PCDH15: variants seen among roughly 807,000 people sequenced by gnomAD.
PCDH15 encodes the protein protocadherin related 15.
A neutral mutation model predicts 178.5 loss-of-function variants in PCDH15; 129 were observed. The observed-to-expected ratio is 0.72, with a 90% confidence interval of 0.63 to 0.84. The LOEUF (loss-of-function observed/expected upper bound fraction) is 0.84, where lower values mean the gene tolerates loss of function less well. Among genes scored for constraint, PCDH15 ranks in the 40% least tolerant of loss-of-function variants. The pLI is 0.00. For missense variants in PCDH15, 2,230 were observed against 2,099.9 expected (o/e 1.06, Z -1.21); for synonymous variants, 800 against 732.0 (o/e 1.09, Z -1.50).
At chr10:54,870,765 G>A (rs1954023088) in intron 3 of PCDH15, among the ~76,000 whole-genome samples, 2 of 151,148 alleles carry the variant, frequency 1.3e-5, no homozygotes, top group South Asian at 4.2e-4. Context: ...TAGCCTGGGC[G>A]ACAGAGAGAG....
In PCDH15 at chr10:54,326,342, T is replaced by C. The variant is rs189557875; in HGVS notation, c.705+3254A>G. 3.0e-4 allele frequency among the ~76,000 whole-genome samples: 45 copies of C among 152,218 alleles called. 1 individual carries two copies. The highest frequency in any genetic ancestry group is 3.4e-3 in the Middle Eastern group (1 of 294). Reference sequence around the variant, plus strand: ...AATAATATAGCATTATCTACTAAGATTAAAAAGTATGTGAATATATATGTA... The same window carrying C: ...AATAATATAGCATTATCTACTAAGACTAAAAAGTATGTGAATATATATGTA... On this transcript the variant is annotated intron_variant, in intron 7 of 37. Transcript: ENST00000644397.
chr10:55,607,105 C>G (rs1175357776), intron 2 of PCDH15, among the ~76,000 whole-genome samples: 1 of 152,154 alleles, frequency 6.6e-6, no homozygotes, highest in Non-Finnish European at 1.5e-5. Flanking sequence ...ACATACATTT[C>G]TCAAAAGAAG....
At chr10:54,052,161 C>A (rs768538981) in intron 18 of PCDH15, among the ~76,000 whole-genome samples, 8 of 152,176 alleles carry the variant, frequency 5.3e-5, no homozygotes, top group South Asian at 2.1e-4. Flanking sequence ...GTGGTCAGAG[C>A]CCCCACACAG....
At chr10:55,210,684 A>G (rs1244620475) in intron 1 of PCDH15, among the ~76,000 whole-genome samples, 2 of 112,352 alleles carry the variant, frequency 1.8e-5, no homozygotes, top group Non-Finnish European at 3.3e-5. Context: ...GCTGGAGTGT[A>G]GTGGCGCGAT....
At chr10:53,974,189 A>G (rs780973852) in intron 21 of PCDH15, among the ~76,000 whole-genome samples, 8 of 152,102 alleles carry the variant, frequency 5.3e-5, no homozygotes, top group Non-Finnish European at 1.0e-4. Flanking sequence ...TAATTTTTGC[A>G]TTTTTAGAAG....
chr10:53,866,894 G>C, intron 26 of PCDH15, 37 bp from the exon 27 acceptor site: 1 of 1,431,532 alleles, frequency 7.0e-7, no homozygotes, highest in Non-Finnish European at 9.8e-7. Flanking sequence ...TTATAATTAA[G>C]CAGGAAAAGA....
At chr10:54,828,915 T>C (rs1245041072) in intron 3 of PCDH15, among the ~76,000 whole-genome samples, 1 of 152,000 alleles carries the variant, frequency 6.6e-6, no homozygotes, top group Non-Finnish European at 1.5e-5. Flanking sequence ...GACCTGAATG[T>C]ACTACACATT....
intron 5 of PCDH15, among the ~76,000 whole-genome samples, chr10:54,363,451 T>C (rs556896977): frequency 6.6e-6 from 1 of 152,300 alleles, no homozygotes; most frequent in East Asian, 1.9e-4. Context: ...CAGAACAAAT[T>C]AAATGAAATG....
Position 54,980,749 on chromosome 10 carries a change from A to AT in PCDH15, c.-79-83250dup, listed in dbSNP as rs199953186. Among the ~76,000 whole-genome samples the AT allele has an allele frequency of 5.2e-3, 785 of 151,924 alleles. 4 individuals carry two copies. The highest frequency in any genetic ancestry group is 0.018 in the African/African-American group (748 of 41,462). On this transcript the variant is annotated intron_variant, in intron 2 of 5. Transcript: ENST00000458638. ...TCAAATTCATTCATAATTTAAATTG[A>AT]TTTTTTTCAAATTTAGGTGTATTTT... is the stretch of plus-strand genomic sequence containing the variant.
intron 15 of PCDH15, among the ~76,000 whole-genome samples, chr10:54,098,741 C>T (rs766630462): frequency 6.6e-6 from 1 of 152,082 alleles, no homozygotes; most frequent in African/African-American, 2.4e-5. Flanking sequence ...GAATCCTAGC[C>T]CTCTTTTACT....
At chr10:55,402,446 A>G (rs1437181061) in intron 2 of PCDH15, among the ~76,000 whole-genome samples, 4 of 151,958 alleles carry the variant, frequency 2.6e-5, no homozygotes, top group African/African-American at 7.2e-5. Flanking sequence ...ATATTGTGCA[A>G]TGGAACACTA....
At chr10:53,923,961 A>G (rs1179797533) in intron 25 of PCDH15, among the ~76,000 whole-genome samples, 1 of 151,944 alleles carries the variant, frequency 6.6e-6, no homozygotes, top group Non-Finnish European at 1.5e-5. Flanking sequence ...TCAAGGGACA[A>G]TAATTTTTTT....
intron 1 of PCDH15, among the ~76,000 whole-genome samples, chr10:54,788,926 T>C (rs1216397282): frequency 6.6e-6 from 1 of 151,866 alleles, no homozygotes; most frequent in East Asian, 1.9e-4. Context: ...TAATTCTTTA[T>C]AGAATCAAGG....
At chr10:55,134,584 TA>T (rs1838139744) in intron 2 of PCDH15, among the ~76,000 whole-genome samples, 1 of 152,196 alleles carries the variant, frequency 6.6e-6, no homozygotes, top group Admixed American at 6.6e-5. Flanking sequence ...TAATTAGGAT[TA>T]GTAGAATTTT....
At chr10:55,326,376 T>C (rs1190699814) in intron 2 of PCDH15, among the ~76,000 whole-genome samples, 1 of 152,116 alleles carries the variant, frequency 6.6e-6, no homozygotes, top group Non-Finnish European at 1.5e-5. Context: ...ATGTAGTACA[T>C]GCATAGCATG....
At chr10:54,210,821 T>C (rs574228586) in intron 10 of PCDH15, among the ~76,000 whole-genome samples, 2 of 151,268 alleles carry the variant, frequency 1.3e-5, no homozygotes, top group East Asian at 1.9e-4. Flanking sequence ...ATAGAATAAG[T>C]AGGTCAGTGA....
intron 2 of PCDH15, among the ~76,000 whole-genome samples, chr10:54,999,272 A>G (rs1295010045): frequency 1.3e-5 from 2 of 149,842 alleles, no homozygotes; most frequent in African/African-American, 4.9e-5. Flanking sequence ...GAGAGCTTCA[A>G]GAGCTTTGAG....
chr10:55,284,788 A>C (rs1413202848), intron 1 of PCDH15, among the ~76,000 whole-genome samples: 1 of 151,984 alleles, frequency 6.6e-6, no homozygotes, highest in Non-Finnish European at 1.5e-5. Context: ...ACATATATTT[A>C]TCATGGGGGA....
intron 2 of PCDH15, among the ~76,000 whole-genome samples, chr10:54,639,160 T>C (rs973541663): frequency 6.6e-6 from 1 of 152,142 alleles, no homozygotes; most frequent in Admixed American, 6.6e-5. Flanking sequence ...TCTTATAGAA[T>C]TGAAATTCCA....
Sources: allele counts gnomAD v4.1 joint callset (sites outside exome capture counted in the v4.1 genomes callset), GRCh38; gene constraint gnomAD v4.1.1; transcripts MANE v1.5; gene names NCBI Gene and HGNC (gene_info 2026-07-23, HGNC 2026-07-21).